INSR: variants seen among roughly 807,000 people sequenced by gnomAD.
INSR encodes IR.
Under a neutral mutation model 142.6 loss-of-function variants are expected in INSR, and 67 were observed. That is an observed-to-expected ratio of 0.47 (90% confidence interval 0.39 to 0.58). The LOEUF is 0.58. Ranked by LOEUF, INSR falls within the 20% of genes least tolerant of loss-of-function variation. The pLI, the probability that INSR is intolerant of heterozygous loss-of-function variation, is 0.00. For missense variants in INSR, 1,248 were observed against 1,833.2 expected (o/e 0.68, Z 5.83); for synonymous variants, 756 against 743.1 (o/e 1.02, Z -0.28).
chr19:7,230,269 A>C (rs1368850013), intron 2 of INSR, among the ~76,000 whole-genome samples: 1 of 152,118 alleles, frequency 6.6e-6, no homozygotes, highest in East Asian at 1.9e-4. Context: ...CAGGTGTAGC[A>C]ATGAGGGAGA....
intron 11 of INSR, among the ~76,000 whole-genome samples, chr19:7,148,786 A>G (rs960373859): frequency 1.4e-5 from 2 of 143,628 alleles, no homozygotes; most frequent in African/African-American, 5.2e-5. Context: ...CTGTGGCCCC[A>G]AATATTATTT....
At chr19:7,190,351 G>A (rs986558947) in intron 2 of INSR, among the ~76,000 whole-genome samples, 1 of 148,344 alleles carries the variant, frequency 6.7e-6, no homozygotes, top group African/African-American at 2.5e-5. Flanking sequence ...TAAACATGCT[G>A]ACCTGTGTTC....
chr19:7,269,100 G>A (rs183498517), intron 1 of INSR, among the ~76,000 whole-genome samples: 2 of 144,996 alleles, frequency 1.4e-5, no homozygotes, highest in Admixed American at 7.0e-5. Context: ...TCAGCACCTA[G>A]AATATAAGGC....
chr19:7,133,728 C>T (rs184583582), intron 13 of INSR, among the ~76,000 whole-genome samples: 548 of 152,222 alleles, frequency 3.6e-3, no homozygotes, highest in African/African-American at 0.012. Context: ...CTGGGCATGG[C>T]GGCACACGCC....
chr19:7,162,242 G>A (rs1444684527), intron 9 of INSR, among the ~76,000 whole-genome samples: 5 of 149,942 alleles, frequency 3.3e-5, no homozygotes, highest in African/African-American at 7.4e-5. Flanking sequence ...CAGGAGAATC[G>A]CTTGCGCCTG....
chr19:7,283,117 C>G (rs1968253465), intron 1 of INSR, among the ~76,000 whole-genome samples: 3 of 152,052 alleles, frequency 2.0e-5, no homozygotes, highest in African/African-American at 7.2e-5. Context: ...CACTTGAGCC[C>G]AGGAGGTCGA....
At position 7,184,640 on chromosome 19, in the gene INSR, G is replaced by GGAGAGAGAGAGAGAGAGAGAGAGA. The variant is rs3835070; in HGVS notation, c.653-4_653-3insTCTCTCTCTCTCTCTCTCTCTCTC. 12 of 1,376,324 alleles carry GGAGAGAGAGAGAGAGAGAGAGAGA rather than the reference G, an allele frequency of 8.7e-6. No individual in the cohort carries two copies. Among genetic ancestry groups the GGAGAGAGAGAGAGAGAGAGAGAGA allele is most frequent in the Middle Eastern group, 2.4e-4 (1 of 4,204 alleles). 85.3% of individuals were successfully genotyped at this position (1,376,324 alleles called of 1,614,324 possible). On this transcript the variant is annotated splice_region_variant and splice_polypyrimidine_tract_variant and intron_variant, in intron 2 of 21. Transcript: ENST00000302850. ...TGACTTACAGATGGTCGGGCAAACT[G>GGAGAGAGAGAGAGAGAGAGAGAGA]GAGAGAGAGAGAGAGAGAGAGGGAA...
At position 7,233,762 on chromosome 19, in the gene INSR, G is replaced by A. The variant is rs143542843; in HGVS notation, c.652+33583C>T. Among the ~76,000 whole-genome samples the A allele has an allele frequency of 8.1e-3, 993 of 123,282 alleles. 5 individuals carry two copies. The highest frequency in any genetic ancestry group is 0.012 in the Admixed American group (112 of 9,148). 80.9% of individuals were successfully genotyped at this position (123,282 alleles called of 152,430 possible). A position where few individuals can be genotyped will look rare whatever the true frequency, so the allele number is the denominator to read the frequency against. On this transcript the variant is annotated intron_variant, in intron 2 of 21. Transcript: ENST00000302850. ...ACGATCTCCGCTCACTGCAAGCTCCGCCCCCTGGGTTCACGCCATTCTCCT... is the reference window on the plus strand; with the variant it reads ...ACGATCTCCGCTCACTGCAAGCTCCACCCCCTGGGTTCACGCCATTCTCCT...
In INSR at chr19:7,294,062, G is replaced by A; in HGVS notation, c.-171C>T. On this transcript the variant is annotated 5_prime_UTR_variant, in exon 1 of 22. Transcript: ENST00000302850. ...CCGGGGAGGGCCCAGAGGCAGCCCC[G>A]GGAAGGGCGCGCGCGGCTTCGCCAG... The A allele has an allele frequency of 3.3e-6, 2 of 608,224 alleles. No homozygotes were observed. The highest frequency in any genetic ancestry group is 5.4e-5 in the Admixed American group (1 of 18,594). The allele number at this position is 608,224 out of a possible 1,614,324, so 37.7% of individuals were successfully genotyped here. A position where few individuals can be genotyped will look rare whatever the true frequency, so the allele number is the denominator to read the frequency against.
At chr19:7,146,193 C>G (rs1394054618) in intron 11 of INSR, among the ~76,000 whole-genome samples, 1 of 149,326 alleles carries the variant, frequency 6.7e-6, no homozygotes, top group Non-Finnish European at 1.5e-5. Flanking sequence ...CACATATTAG[C>G]TTGGCCTGTG....
At chr19:7,197,819 CGAGAGA>C (rs1046835448) in intron 2 of INSR, among the ~76,000 whole-genome samples, 1 of 75,778 alleles carries the variant, frequency 1.3e-5, no homozygotes, top group Non-Finnish European at 2.4e-5. Flanking sequence ...GGAGAGAGAG[CGAGAGA>C]GAGAGAGAAC....
intron 2 of INSR, among the ~76,000 whole-genome samples, chr19:7,248,919 C>T (rs954737871): frequency 6.6e-6 from 1 of 151,808 alleles, no homozygotes; most frequent in Admixed American, 6.6e-5. Flanking sequence ...GCCACCACGC[C>T]CAGCTAATTA....
chr19:7,120,826 C>T, intron 19 of INSR, 77 bp from the exon 20 acceptor site: 1 of 1,579,414 alleles, frequency 6.3e-7, no homozygotes, highest in Non-Finnish European at 8.6e-7. Context: ...TGCCCCACCT[C>T]TCACAGAGCC....
chr19:7,148,477 C>T (rs367809941), intron 11 of INSR, among the ~76,000 whole-genome samples: 114 of 95,006 alleles, frequency 1.2e-3, no homozygotes, highest in African/African-American at 1.9e-3. Context: ...TGTATTTATT[C>T]TTTTTTTTTT....
At position 7,174,643 on chromosome 19, in the gene INSR, G is replaced by A; in HGVS notation, c.1063C>T (p.Gln355Ter). The A allele has an allele frequency of 6.2e-7, 1 of 1,613,962 alleles. No homozygotes were observed. ...ATGACGGTGCATCCTCGGAGCTCCT[G>A]GGCAGACGTCACCGAGTCGATGGTC... ...EKTIDSVTSA[Q>*]ELRGCTVING... The change falls in exon 4 of 22, where the codon CAG becomes TAG. Residue 355 changes from glutamine (Q) to a stop codon, truncating the protein, a stop_gained. Transcript: ENST00000302850. LOFTEE classifies it high-confidence loss of function.
rs1235034762 is a variant in INSR, at chr19:7,150,617, T to C, written c.2232-85A>G. On this transcript the variant is annotated intron_variant, in intron 10 of 21. Transcript: ENST00000302850. The surrounding 1 kb of genome is among the most constrained non-coding windows in gnomAD (Gnocchi z 4.2). ...GGCTCTGACACTTGGAGGCCACATG[T>C]GTCCGAGTAAGGGCACCCTGGCTTT... The C allele has an allele frequency of 1.7e-5, 23 of 1,358,948 alleles. No individual in the cohort carries two copies. Among genetic ancestry groups the C allele is most frequent in the Non-Finnish European group, 2.3e-5 (22 of 952,504 alleles). 84.2% of individuals were successfully genotyped at this position (1,358,948 alleles called of 1,614,324 possible).
intron 13 of INSR, chr19:7,141,432 T>C (rs1228329915): frequency 1.8e-6 from 1 of 542,732 alleles, no homozygotes; most frequent in Non-Finnish European, 3.3e-6. Flanking sequence ...GCAGACATCA[T>C]TCAACTTAGA....
chr19:7,167,875 G>A (rs1973923366), intron 7 of INSR, 93 bp downstream of exon 7: 1 of 1,504,162 alleles, frequency 6.6e-7, no homozygotes, highest in Middle Eastern at 2.2e-4. Context: ...AGATAGACAG[G>A]AACCCAAGAG....
At chr19:7,152,684 C>A in intron 10 of INSR, 42 bp downstream of exon 10, 7 of 1,528,950 alleles carry the variant, frequency 4.6e-6, no homozygotes, top group Non-Finnish European at 6.3e-6. Flanking sequence ...CAACACCAAG[C>A]CAATTGGCAC....
Sources: allele counts gnomAD v4.1 joint callset (sites outside exome capture counted in the v4.1 genomes callset), GRCh38; gene constraint gnomAD v4.1.1; non-coding constraint Gnocchi (gnomAD v3.1); transcripts MANE v1.5; gene names NCBI Gene and HGNC (gene_info 2026-07-23, HGNC 2026-07-21).